KCNIP3: variants seen among roughly 807,000 people sequenced by gnomAD.
KCNIP3 encodes the protein potassium voltage-gated channel interacting protein 3, also known as calsenilin.
A neutral mutation model predicts 35.0 loss-of-function variants in KCNIP3; 28 were observed. That is an observed-to-expected ratio of 0.80 (90% CI 0.59 to 1.10). The LOEUF (loss-of-function observed/expected upper bound fraction) is 1.10, where lower values mean the gene tolerates loss of function less well. KCNIP3 is among the 50% of genes least tolerant of loss of function. The pLI is 0.00. For synonymous variants in KCNIP3, 134 were observed against 133.8 expected, an observed-to-expected ratio of 1.00 and a Z score of -0.01; for missense variants, 295 against 338.4, an observed-to-expected ratio of 0.87 and a Z score of 1.01.
At chr2:95,380,927 G>T (rs1237506038) in intron 5 of KCNIP3, among the ~76,000 whole-genome samples, 1 of 152,128 alleles carries the variant, frequency 6.6e-6, no homozygotes, top group Non-Finnish European at 1.5e-5. Flanking sequence ...GTGGAGGATC[G>T]CTTGAGCCTG....
intron 2 of KCNIP3, among the ~76,000 whole-genome samples, chr2:95,336,762 A>G (rs1299860225): frequency 2.0e-5 from 3 of 152,176 alleles, no homozygotes; most frequent in Non-Finnish European, 4.4e-5. Flanking sequence ...GGTCTGTTTC[A>G]GCTTTTTGCC....
At chr2:95,371,257 A>T (rs1291430900) in intron 2 of KCNIP3, among the ~76,000 whole-genome samples, 28 of 152,240 alleles carry the variant, frequency 1.8e-4, no homozygotes, top group Non-Finnish European at 4.1e-4. Context: ...CTTTACCTGC[A>T]TCCAGCAAAT....
At chr2:95,362,231 C>G in intron 2 of KCNIP3, among the ~76,000 whole-genome samples, 1 of 152,026 alleles carries the variant, frequency 6.6e-6, no homozygotes, top group East Asian at 1.9e-4. Flanking sequence ...CTCAGCCTCC[C>G]GAGTAGCTGG....
chr2:95,382,568 G>A lies in KCNIP3; in HGVS notation c.660+87G>A. On this transcript the variant is annotated intron_variant, in intron 7 of 8. Transcript: ENST00000295225. This position sits in a 1 kb window ranked among gnomAD's most constrained non-coding sequence, Gnocchi z 4.5. Reference sequence around the variant, plus strand: ...TGGGGCCACCCCGGGCAAGTGGCTTGCCCCTCTGAGCCTCCCTACTCCCCA... The same window carrying A: ...TGGGGCCACCCCGGGCAAGTGGCTTACCCCTCTGAGCCTCCCTACTCCCCA... The A allele has an allele frequency of 2.4e-6, 2 of 850,216 alleles. No individual in the cohort carries two copies. The highest frequency in any genetic ancestry group is 3.6e-6 in the Non-Finnish European group (2 of 549,928). The allele number at this position is 850,216 out of a possible 1,614,324, so 52.7% of individuals were successfully genotyped here.
chr2:95,318,162 C>T (rs186635554), intron 2 of KCNIP3, among the ~76,000 whole-genome samples: 5 of 152,260 alleles, frequency 3.3e-5, no homozygotes, highest in Admixed American at 3.3e-4. Context: ...AATGCCAAGC[C>T]TGGGATCCCC....
At chr2:95,323,861 T>C (rs1304531436) in intron 2 of KCNIP3, among the ~76,000 whole-genome samples, 3 of 152,112 alleles carry the variant, frequency 2.0e-5, no homozygotes, top group African/African-American at 7.2e-5. Flanking sequence ...GGGAGGCAGA[T>C]GGTTTTGTCT....
chr2:95,300,097 CAGG>C (rs1677984228), intron 1 of KCNIP3, among the ~76,000 whole-genome samples: 2 of 152,170 alleles, frequency 1.3e-5, no homozygotes, highest in African/African-American at 2.4e-5. Context: ...GAAGAAGACG[CAGG>C]AGGAGAAGGG....
intron 2 of KCNIP3, among the ~76,000 whole-genome samples, chr2:95,344,138 G>A (rs1490136093): frequency 6.6e-6 from 1 of 152,156 alleles, no homozygotes; most frequent in African/African-American, 2.4e-5. Flanking sequence ...CCTCCAGCCT[G>A]TGCTTTCCTC....
chr2:95,327,026 CCAGT>C (rs1558764558), intron 2 of KCNIP3, among the ~76,000 whole-genome samples: 1 of 152,206 alleles, frequency 6.6e-6, no homozygotes. Context: ...TGCCGGCTGC[CCAGT>C]CAGATTGCAC....
intron 1 of KCNIP3, among the ~76,000 whole-genome samples, chr2:95,298,228 C>CTGGACT (rs1677925509): frequency 6.6e-6 from 1 of 151,444 alleles, no homozygotes; most frequent in Non-Finnish European, 1.5e-5. Context: ...CAGGATAGTT[C>CTGGACT]AGGTCTGGCT....
chr2:95,338,928 A>G (rs1292504641), intron 2 of KCNIP3, among the ~76,000 whole-genome samples: 4 of 152,216 alleles, frequency 2.6e-5, no homozygotes, highest in Non-Finnish European at 5.9e-5. Context: ...ATCCCCAGAG[A>G]AAAGGCTTCA....
At chr2:95,343,609 C>T (rs1373481841) in intron 2 of KCNIP3, among the ~76,000 whole-genome samples, 1 of 152,196 alleles carries the variant, frequency 6.6e-6, no homozygotes, top group Non-Finnish European at 1.5e-5. Context: ...TAGCATGGGA[C>T]ATCCAGGGAA....
At chr2:95,311,056 G>T (rs1364895313) in intron 2 of KCNIP3, 1 of 165,310 alleles carries the variant, frequency 6.0e-6, no homozygotes, top group Non-Finnish European at 1.3e-5. Flanking sequence ...TTCTGGTGGT[G>T]TGTTAACGAG....
rs376353503 is a variant in KCNIP3 at position 95,382,339 on chromosome 2, C to T, written c.556-38C>T. 75 of 1,442,118 alleles carry T rather than the reference C, an allele frequency of 5.2e-5. No individual in the cohort carries two copies. The highest frequency in any genetic ancestry group is 4.3e-4 in the African/African-American group (30 of 70,574). The allele number at this position is 1,442,118 out of a possible 1,614,324, so 89.3% of individuals were successfully genotyped here. On this transcript the variant is annotated intron_variant, in intron 6 of 8. Transcript: ENST00000295225. This position sits in a 1 kb window ranked among gnomAD's most constrained non-coding sequence, Gnocchi z 4.5. ...TCCCTTTGGGCCCTCACAGCCACCC[C>T]GGCCTTGCAGCAGGCTCATGCCAGC...
chr2:95,362,603 G>A (rs1481353401), intron 2 of KCNIP3, among the ~76,000 whole-genome samples: 1 of 152,194 alleles, frequency 6.6e-6, no homozygotes, highest in African/African-American at 2.4e-5. Context: ...TGCACCCCTC[G>A]CATGCACAGT....
chr2:95,352,471 C>T (rs1679551493), intron 2 of KCNIP3, among the ~76,000 whole-genome samples: 1 of 152,056 alleles, frequency 6.6e-6, no homozygotes, highest in Admixed American at 6.5e-5. Flanking sequence ...CCCCGAATAT[C>T]CAGGCTCCAG....
chr2:95,375,295 G>C, intron 5 of KCNIP3, 87 bp downstream of exon 5: 6 of 1,234,410 alleles, frequency 4.9e-6, no homozygotes, highest in Non-Finnish European at 7.1e-6. Context: ...CAGGGCTGTC[G>C]AGAGAGCCAT....
chr2:95,300,864 A>C (rs1678009056), intron 1 of KCNIP3, among the ~76,000 whole-genome samples: 1 of 152,138 alleles, frequency 6.6e-6, no homozygotes, highest in South Asian at 2.1e-4. Context: ...TCTGCCCAGC[A>C]TGCCCTCTCC....
intron 2 of KCNIP3, among the ~76,000 whole-genome samples, chr2:95,367,907 G>A (rs1195719597): frequency 6.6e-6 from 1 of 151,860 alleles, no homozygotes; most frequent in Non-Finnish European, 1.5e-5. Context: ...GATTACAGGC[G>A]CCTGCCATCA....
Sources: allele counts gnomAD v4.1 joint callset (sites outside exome capture counted in the v4.1 genomes callset), GRCh38; gene constraint gnomAD v4.1.1; non-coding constraint Gnocchi (gnomAD v3.1); transcripts MANE v1.5; gene names NCBI Gene and HGNC (gene_info 2026-07-23, HGNC 2026-07-21).